The following OIT3 variants were observed in gnomAD, a reference collection of about 807,000 sequenced individuals.
OIT3 encodes the protein oncoprotein-induced transcript 3 protein.
OIT3 carries 41 observed loss-of-function variants against 52.2 expected under a neutral mutation model. The ratio of observed to expected loss-of-function variants is 0.79; its 90% CI spans 0.61 to 1.02. OIT3 has a LOEUF of 1.02. OIT3 is among the 50% of genes least tolerant of loss of function. OIT3 has a pLI of 0.00. For missense variants in OIT3, 634 were observed against 715.5 expected, an observed-to-expected ratio of 0.89 and a Z score of 1.30; for synonymous variants, 244 against 276.9, an observed-to-expected ratio of 0.88 and a Z score of 1.18.
At chr10:72,930,778 C>T (rs990057671) in intron 8 of OIT3, 141 bp downstream of exon 8, 11 of 610,450 alleles carry the variant, frequency 1.8e-5, no homozygotes, top group African/African-American at 5.6e-5. Flanking sequence ...AACTGGCCAT[C>T]GAGAAGCTTA....
chr10:72,911,937 A>G, intron 5 of OIT3, 98 bp downstream of exon 5: 1 of 1,089,268 alleles, frequency 9.2e-7, no homozygotes, highest in East Asian at 2.6e-5. Flanking sequence ...CAGGGTTCTC[A>G]TCTTTTAGAA....
At chr10:72,899,447 T>C (rs1845907245) in intron 2 of OIT3, among the ~76,000 whole-genome samples, 1 of 151,438 alleles carries the variant, frequency 6.6e-6, no homozygotes. Flanking sequence ...ATACAAAAAT[T>C]AGACAGGCGT....
At position 72,896,054 on chromosome 10, in the gene OIT3, T is replaced by G. The variant is rs1454317550; in HGVS notation, c.61+2195T>G. Among the ~76,000 whole-genome samples, 6 of 152,150 alleles carry G rather than the reference T, an allele frequency of 3.9e-5. No individual in the cohort carries two copies. The East Asian group carries it at 1.2e-3, about 29-fold the overall frequency. On this transcript the variant is annotated intron_variant, in intron 1 of 8. Transcript: ENST00000334011. ...TAAAAATATATATGTATTATTTAAT[T>G]AGTTATAGAAGATGGTAGATAAACT...
At chr10:72,926,477 T>C (rs945139391) in intron 7 of OIT3, among the ~76,000 whole-genome samples, 24 of 152,266 alleles carry the variant, frequency 1.6e-4, no homozygotes, top group African/African-American at 5.5e-4. Flanking sequence ...CTTTCACATC[T>C]CAGCTCCACA....
chr10:72,898,239 G>A (rs1447461972), intron 1 of OIT3, among the ~76,000 whole-genome samples: 1 of 152,058 alleles, frequency 6.6e-6, no homozygotes, highest in Admixed American at 6.6e-5. Context: ...GTGAGCCATG[G>A]TTGTACCACT....
intron 7 of OIT3, among the ~76,000 whole-genome samples, chr10:72,928,683 T>C (rs1564597306): frequency 1.3e-5 from 2 of 152,140 alleles, no homozygotes; most frequent in African/African-American, 2.4e-5. Flanking sequence ...AGGTATGCCA[T>C]GGATGTTTAT....
At chr10:72,907,796 T>G (rs927314848) in intron 4 of OIT3, among the ~76,000 whole-genome samples, 2 of 152,218 alleles carry the variant, frequency 1.3e-5, no homozygotes, top group Non-Finnish European at 2.9e-5. Flanking sequence ...GCAGACATTT[T>G]ATAGGACTTT....
chr10:72,921,020 G>A (rs1252892145), intron 6 of OIT3, among the ~76,000 whole-genome samples: 2 of 152,180 alleles, frequency 1.3e-5, no homozygotes, highest in Non-Finnish European at 2.9e-5. Flanking sequence ...TCAGTGGGGT[G>A]TTAAAGTCTC....
At chr10:72,901,935 C>T (rs2132927137) in intron 3 of OIT3, among the ~76,000 whole-genome samples, 1 of 152,220 alleles carries the variant, frequency 6.6e-6, no homozygotes, top group Non-Finnish European at 1.5e-5. Context: ...GCTGTAGTCT[C>T]AGCTGAGGTA....
intron 7 of OIT3, among the ~76,000 whole-genome samples, chr10:72,927,080 T>C (rs985975280): frequency 2.6e-5 from 4 of 152,236 alleles, no homozygotes; most frequent in Admixed American, 6.5e-5. Context: ...GTAGAGCTTG[T>C]GAAACTTATT....
At chr10:72,906,769 G>A (rs932636924) in intron 4 of OIT3, 51 bp downstream of exon 4, 16 of 1,494,078 alleles carry the variant, frequency 1.1e-5, no homozygotes, top group African/African-American at 1.4e-5. Flanking sequence ...GGAAGCCACT[G>A]GCTTATTCTC....
chr10:72,901,055 G>A (rs995132667), intron 3 of OIT3, among the ~76,000 whole-genome samples: 3 of 152,014 alleles, frequency 2.0e-5, no homozygotes, highest in South Asian at 2.1e-4. Context: ...GTGAAAGAAC[G>A]AGACTCTGTT....
chr10:72,924,773 T>G, intron 7 of OIT3, 129 bp downstream of exon 7: 1 of 822,778 alleles, frequency 1.2e-6, no homozygotes, highest in South Asian at 1.9e-5. Flanking sequence ...AGGAACCACT[T>G]ATTGACATTT....
intron 3 of OIT3, among the ~76,000 whole-genome samples, chr10:72,901,020 G>T (rs1333739009): frequency 6.6e-6 from 1 of 152,092 alleles, no homozygotes; most frequent in Admixed American, 6.5e-5. Context: ...GTGAGCCATG[G>T]TTACACCACT....
chr10:72,919,199 T>G (rs1846100431), intron 6 of OIT3, among the ~76,000 whole-genome samples: 2 of 152,204 alleles, frequency 1.3e-5, no homozygotes, highest in African/African-American at 4.8e-5. Flanking sequence ...GTTATTTTAT[T>G]CTTTTCGTGG....
In OIT3 at chr10:72,924,233, T is replaced by C; in HGVS notation, c.956T>C (p.Val319Ala). 1 of 1,590,148 alleles carries C rather than the reference T, an allele frequency of 6.3e-7. No homozygotes were observed. The highest frequency in any genetic ancestry group is 8.6e-7 in the Non-Finnish European group (1 of 1,164,404). ...LKTCGTVVDVVNDKIVASNLV... is the reference protein window; with the variant it reads ...LKTCGTVVDVANDKIVASNLV... ...CCTCACCCTGGCCTGGCTCAGGTGGTGAATGACAAGATTGTGGCCAGCAAC... is the reference window on the plus strand; with the variant it reads ...CCTCACCCTGGCCTGGCTCAGGTGGCGAATGACAAGATTGTGGCCAGCAAC... The change falls in exon 7 of 9, where the codon GTG becomes GCG. Residue 319 changes from valine to alanine, a missense_variant. Val to Ala is a moderately conservative substitution (Grantham distance 64). Transcript: ENST00000334011.
chr10:72,912,272 CTTTTTTT>C (rs749814581), intron 5 of OIT3, among the ~76,000 whole-genome samples: 23 of 125,842 alleles, frequency 1.8e-4, no homozygotes, highest in South Asian at 2.6e-4. Flanking sequence ...TCTTTTTTTT[CTTTTTTT>C]TTTTTTTTTT....
intron 1 of OIT3, among the ~76,000 whole-genome samples, chr10:72,894,648 C>T (rs1002830577): frequency 2.6e-5 from 4 of 152,074 alleles, no homozygotes; most frequent in East Asian, 3.9e-4. Flanking sequence ...GAGGCCAAGG[C>T]GGGTGGATCA....
chr10:72,902,524 T>C (rs1181951202), intron 3 of OIT3, among the ~76,000 whole-genome samples: 1 of 152,162 alleles, frequency 6.6e-6, no homozygotes, highest in Admixed American at 6.5e-5. Flanking sequence ...TAAATATATA[T>C]ATGTGTATTA....
Sources: allele counts gnomAD v4.1 joint callset (sites outside exome capture counted in the v4.1 genomes callset), GRCh38; gene constraint gnomAD v4.1.1; transcripts MANE v1.5; gene names NCBI Gene and HGNC (gene_info 2026-07-23, HGNC 2026-07-21).